LPCAT2: variants seen among roughly 807,000 people sequenced by gnomAD.
LPCAT2 encodes the protein 1-AGP acyltransferase 11.
Under a neutral mutation model 64.7 loss-of-function variants are expected in LPCAT2, and 58 were observed. The ratio of observed to expected loss-of-function variants is 0.90; its 90% CI spans 0.73 to 1.12. LPCAT2 has a LOEUF of 1.12. LPCAT2 is among the 50% of genes most tolerant of loss of function. The pLI is 0.00. For missense variants in LPCAT2, 579 were observed against 669.8 expected, an observed-to-expected ratio of 0.86 and a Z score of 1.50; for synonymous variants, 252 against 245.3, an observed-to-expected ratio of 1.03 and a Z score of -0.26.
chr16:55,525,170 C>A (rs1963151746), intron 1 of LPCAT2, among the ~76,000 whole-genome samples: 1 of 152,028 alleles, frequency 6.6e-6, no homozygotes, highest in African/African-American at 2.4e-5. Flanking sequence ...CAAGATTGTT[C>A]AGGCTACAAC....
Position 55,576,185 on chromosome 16 carries a change from C to CTT in LPCAT2, c.1314+1468_1314+1469dup, listed in dbSNP as rs5817022. Among the ~76,000 whole-genome samples the CTT allele has an allele frequency of 3.1e-3, 458 of 145,500 alleles. 6 individuals are homozygous for CTT. Among genetic ancestry groups the CTT allele is most frequent in the South Asian group, 0.029 (137 of 4,646 alleles). ...AAGGAGGGCTTAAAACTATAATTAG[C>CTT]TTTTTTTTTTTTTCAGTAAGACAAG... On this transcript the variant is annotated intron_variant, in intron 12 of 13. Transcript: ENST00000262134.
At chr16:55,566,633 G>C in intron 11 of LPCAT2, 2 of 972,468 alleles carry the variant, frequency 2.1e-6, no homozygotes, top group Non-Finnish European at 3.0e-6. Context: ...ATCATGGGGC[G>C]TGGTGCAGTG....
intron 6 of LPCAT2, among the ~76,000 whole-genome samples, chr16:55,534,195 T>A (rs1963294316): frequency 6.6e-6 from 1 of 152,176 alleles, no homozygotes; most frequent in Non-Finnish European, 1.5e-5. Context: ...AAATAGTTTT[T>A]AAAAAATTAA....
intron 11 of LPCAT2, among the ~76,000 whole-genome samples, chr16:55,562,186 TAG>T (rs1156377071): frequency 1.3e-5 from 2 of 151,964 alleles, no homozygotes; most frequent in Non-Finnish European, 2.9e-5. Context: ...CTCCTAGCAA[TAG>T]AGTCTCATCT....
intron 11 of LPCAT2, chr16:55,567,585 G>A: frequency 7.3e-7 from 1 of 1,372,882 alleles, no homozygotes; most frequent in Non-Finnish European, 1.0e-6. Context: ...CTGATACCCT[G>A]TGCAACAGCT....
At chr16:55,566,788 C>T in intron 11 of LPCAT2, 1 of 1,613,456 alleles carries the variant, frequency 6.2e-7, no homozygotes, top group Non-Finnish European at 8.5e-7. Flanking sequence ...TTGGAAGGAG[C>T]AGATCGAGGT....
At chr16:55,509,398 A>G (rs1962890887) in intron 1 of LPCAT2, 46 bp downstream of exon 1, 4 of 1,091,958 alleles carry the variant, frequency 3.7e-6, no homozygotes, top group African/African-American at 2.7e-5. Context: ...AGGGGGGCCT[A>G]GGTCAGAGGG....
At chr16:55,539,881 C>A (rs1291556281) in intron 8 of LPCAT2, 1 of 151,878 alleles carries the variant, frequency 6.6e-6, no homozygotes, top group Non-Finnish European at 1.5e-5. Flanking sequence ...ATTAGGTAAA[C>A]CTAATTCAAG....
chr16:55,530,042 G>A, intron 4 of LPCAT2, 95 bp downstream of exon 4: 1 of 818,130 alleles, frequency 1.2e-6, no homozygotes, highest in Non-Finnish European at 1.9e-6. Flanking sequence ...AGCAATATCT[G>A]TGGACACCTA....
chr16:55,545,694 G>A, intron 8 of LPCAT2, 41 bp from the exon 9 acceptor site: 2 of 1,247,236 alleles, frequency 1.6e-6, no homozygotes, highest in Non-Finnish European at 2.3e-6. Flanking sequence ...TAATGTCTTA[G>A]GCTTAAGACA....
intron 11 of LPCAT2, among the ~76,000 whole-genome samples, chr16:55,558,864 C>T (rs1468522215): frequency 6.6e-6 from 1 of 152,120 alleles, no homozygotes; most frequent in Non-Finnish European, 1.5e-5. Context: ...ACAAAGCATG[C>T]TCATAGGTTT....
intron 11 of LPCAT2, among the ~76,000 whole-genome samples, chr16:55,558,621 G>A (rs1963602410): frequency 6.6e-6 from 1 of 152,134 alleles, no homozygotes; most frequent in Non-Finnish European, 1.5e-5. Context: ...TTTCAGTCAG[G>A]AAACTTTTTC....
chr16:55,586,271 T>C lies in LPCAT2; in HGVS notation c.*3173T>C, dbSNP rs938888423. 9 of 152,232 alleles carry C rather than the reference T, an allele frequency of 5.9e-5. No individual in the cohort carries two copies. Among genetic ancestry groups the C allele is most frequent in the South Asian group, 2.1e-4 (1 of 4,822 alleles). The allele number at this position is 152,232 out of a possible 1,614,324, so 9.4% of individuals were successfully genotyped here. On this transcript the variant is annotated 3_prime_UTR_variant, in exon 14 of 14. Coordinates refer to ENST00000262134, the MANE Select transcript of LPCAT2 (RefSeq NM_017839.5). ...GTAACTCTTGTTTCTAGGTAATCGT[T>C]CTCTCTCAACAAACTTCTCAAGCGT...
At chr16:55,531,886 A>G (rs200942169) in intron 4 of LPCAT2, 28 bp from the exon 5 acceptor site, 30 of 1,375,976 alleles carry the variant, frequency 2.2e-5, no homozygotes, top group Middle Eastern at 3.6e-4. Flanking sequence ...TTAGATTGAA[A>G]TATTAAATCT....
At chr16:55,553,042 C>A in intron 11 of LPCAT2, among the ~76,000 whole-genome samples, 1 of 19,714 alleles carries the variant, frequency 5.1e-5, no homozygotes, top group Non-Finnish European at 7.6e-4. Context: ...TTGAGAACAG[C>A]TTGACAGTTG....
rs1441065379 is a variant in LPCAT2, at chr16:55,584,771, G to A, written c.*1673G>A. The A allele has an allele frequency of 6.6e-6, 1 of 152,072 alleles. No homozygotes were observed. The highest frequency in any genetic ancestry group is 2.4e-5 in the African/African-American group (1 of 41,422). The allele number at this position is 152,072 out of a possible 1,614,324, so 9.4% of individuals were successfully genotyped here. On this transcript the variant is annotated 3_prime_UTR_variant, in exon 14 of 14. Coordinates refer to ENST00000262134, the MANE Select transcript of LPCAT2 (RefSeq NM_017839.5). Reference sequence around the variant, plus strand: ...TAAGCAGTTAGTGTTCTAATTTAATGGGTAAATGTGTGTTTGGATAAATAT... The same window carrying A: ...TAAGCAGTTAGTGTTCTAATTTAATAGGTAAATGTGTGTTTGGATAAATAT...
intron 1 of LPCAT2, among the ~76,000 whole-genome samples, chr16:55,520,618 A>T (rs1963081792): frequency 6.6e-6 from 1 of 152,024 alleles, no homozygotes; most frequent in South Asian, 2.1e-4. Flanking sequence ...GGGTCATAAA[A>T]AACCTCAATA....
intron 13 of LPCAT2, among the ~76,000 whole-genome samples, chr16:55,582,401 TATAA>T (rs1218566017): frequency 2.0e-5 from 3 of 152,220 alleles, no homozygotes; most frequent in Non-Finnish European, 4.4e-5. Flanking sequence ...TTGGGCTTTA[TATAA>T]ATAGACTCAT....
At chr16:55,575,240 T>C (rs867919755) in intron 12 of LPCAT2, among the ~76,000 whole-genome samples, 1 of 152,166 alleles carries the variant, frequency 6.6e-6, no homozygotes, top group African/African-American at 2.4e-5. Flanking sequence ...TCTTGTCACA[T>C]ATATTTTCAC....
Sources: gnomAD v4.1 joint callset for allele counts (sites outside exome capture counted in the v4.1 genomes callset) on GRCh38, gnomAD v4.1.1 for gene constraint, MANE v1.5 for transcripts, NCBI Gene and HGNC (gene_info 2026-07-23, HGNC 2026-07-21) for gene names.